HRK: variants seen among roughly 807,000 people sequenced by gnomAD.
HRK encodes the protein activator of apoptosis harakiri.
A neutral mutation model predicts 5.9 loss-of-function variants in HRK; 6 were observed. The ratio of observed to expected loss-of-function variants is 1.02; its 90% CI spans 0.56 to 2.01. The LOEUF (loss-of-function observed/expected upper bound fraction) is 2.01. Among genes scored for constraint, HRK ranks in the 30% most tolerant of loss-of-function variants. The pLI is 0.00. For missense variants in HRK, 133 were observed against 128.3 expected, an observed-to-expected ratio of 1.04 and a Z score of -0.18; for synonymous variants, 85 against 65.1, an observed-to-expected ratio of 1.31 and a Z score of -1.47.
At chr12:116,872,476 A>G (rs1878788583) in intron 1 of HRK, among the ~76,000 whole-genome samples, 1 of 152,170 alleles carries the variant, frequency 6.6e-6, no homozygotes, top group Non-Finnish European at 1.5e-5. Context: ...TAGTGATTCC[A>G]AGTCTTAAAG....
Position 116,870,949 on chromosome 12 carries a change from C to T in HRK, c.*57-9483G>A, listed in dbSNP as rs187070626. ...TTTGTTTGTATTTGAGACAGAGTCT[C>T]GCTCTGTCGCTCAAGCTGGAGTGCA... On this transcript the variant is annotated intron_variant, in intron 1 of 1. Transcript: ENST00000257572. Among the ~76,000 whole-genome samples the T allele has an allele frequency of 1.9e-3, 285 of 152,318 alleles. 1 individual carries two copies. Among genetic ancestry groups the T allele is most frequent in the African/African-American group, 6.5e-3 (270 of 41,578 alleles).
chr12:116,861,514 G>A (rs1164654042), intron 1 of HRK, 48 bp from the exon 2 acceptor site: 1 of 152,240 alleles, frequency 6.6e-6, no homozygotes, highest in Non-Finnish European at 1.5e-5. Flanking sequence ...CAGCTGCTGG[G>A]GGTGACGTCA....
At chr12:116,865,303 A>G (rs889968027) in intron 1 of HRK, among the ~76,000 whole-genome samples, 1 of 151,978 alleles carries the variant, frequency 6.6e-6, no homozygotes, top group African/African-American at 2.4e-5. Flanking sequence ...GCACTTTGGG[A>G]GGCCAAGGAG....
Position 116,881,149 on chromosome 12 carries a change from G to C in HRK, c.159C>G (p.Arg53=). ...ELHQRTMWRR[R]ARSRRAPAPG... ...GCGCCGGCGCCCTCCGGCTCCGCGCGCGGCGCCGCCACATGGTGCGCTGGT... is the reference window on the plus strand; with the variant it reads ...GCGCCGGCGCCCTCCGGCTCCGCGCCCGGCGCCGCCACATGGTGCGCTGGT... Residue 53 remains arginine (R), a synonymous_variant, in exon 1 of 2, where the codon CGC becomes CGG. Coordinates refer to ENST00000257572, the MANE Select transcript of HRK (RefSeq NM_003806.4). The C allele has an allele frequency of 6.7e-6, 8 of 1,185,570 alleles. No homozygotes were observed. Among genetic ancestry groups the C allele is most frequent in the Non-Finnish European group, 5.2e-6 (5 of 959,962 alleles). 73.4% of individuals were successfully genotyped at this position (1,185,570 alleles called of 1,614,324 possible). A position where few individuals can be genotyped will look rare whatever the true frequency, so the allele number is the denominator to read the frequency against.
chr12:116,874,996 G>A (rs186526626), intron 1 of HRK, among the ~76,000 whole-genome samples: 188 of 152,210 alleles, frequency 1.2e-3, no homozygotes, highest in Non-Finnish European at 2.2e-3. Flanking sequence ...CCATATAGGT[G>A]AGTTCCACAT....
chr12:116,864,284 T>C (rs1359539097), intron 1 of HRK, among the ~76,000 whole-genome samples: 1 of 152,154 alleles, frequency 6.6e-6, no homozygotes, highest in Non-Finnish European at 1.5e-5. Context: ...ACAGGAACAC[T>C]TATTAAGTAC....
At position 116,862,473 on chromosome 12, in the gene HRK, A is replaced by G. The variant is rs1878398892; in HGVS notation, c.*57-1007T>C. ...AAAGAAGCCAGACACAAAAGGACAC[A>G]TATTGTGTGATTCCATTTATATGAA... On this transcript the variant is annotated intron_variant, in intron 1 of 1. Coordinates refer to ENST00000257572, the MANE Select transcript of HRK (RefSeq NM_003806.4). This position sits in a 1 kb window ranked among gnomAD's most constrained non-coding sequence, Gnocchi z 4.0. Among the ~76,000 whole-genome samples, 1 of 152,228 alleles carries G rather than the reference A, an allele frequency of 6.6e-6. No individual in the cohort carries two copies. Among genetic ancestry groups the G allele is most frequent in the Non-Finnish European group, 1.5e-5 (1 of 68,038 alleles).
chr12:116,875,779 A>G (rs1236476151), intron 1 of HRK, among the ~76,000 whole-genome samples: 1 of 152,050 alleles, frequency 6.6e-6, no homozygotes, highest in Non-Finnish European at 1.5e-5. Flanking sequence ...CCTGACCTCA[A>G]GTGATCCACC....
intron 1 of HRK, among the ~76,000 whole-genome samples, chr12:116,877,405 T>C (rs1353396202): frequency 6.6e-6 from 1 of 152,112 alleles, no homozygotes; most frequent in Non-Finnish European, 1.5e-5. Flanking sequence ...CCAATAACCC[T>C]GGAAGGATAC....
Position 116,871,050 on chromosome 12 carries a change from C to T in HRK, c.*57-9584G>A, listed in dbSNP as rs565778409. ...TCTCTTGCCTCAGCCTCCCAGGTAG[C>T]TGGGATTACAGGCACGCGCCACCAC... On this transcript the variant is annotated intron_variant, in intron 1 of 1. Transcript: ENST00000257572. Among the ~76,000 whole-genome samples, 9 of 152,148 alleles carry T rather than the reference C, an allele frequency of 5.9e-5. 1 individual carries two copies. In the South Asian group the frequency reaches 1.7e-3, roughly 28 times the overall value.
rs188596125 is a variant in HRK, at chr12:116,871,840, C to T, written c.*56+9136G>A. On this transcript the variant is annotated intron_variant, in intron 1 of 1. Transcript: ENST00000257572. ...GTAAAGATTGGGTCTCACTTTGTTGCCCTGGCTAGTATTGAACTCCTGGCT... is the reference window on the plus strand; with the variant it reads ...GTAAAGATTGGGTCTCACTTTGTTGTCCTGGCTAGTATTGAACTCCTGGCT... Among the ~76,000 whole-genome samples the T allele has an allele frequency of 1.5e-3, 224 of 151,724 alleles. 1 individual carries two copies. The highest frequency in any genetic ancestry group is 5.3e-3 in the African/African-American group (218 of 41,406).
intron 1 of HRK, among the ~76,000 whole-genome samples, chr12:116,867,200 A>C (rs1480866223): frequency 6.6e-6 from 1 of 150,494 alleles, no homozygotes; most frequent in African/African-American, 2.5e-5. Context: ...GGAGTGCAAT[A>C]GCGTAATCTT....
At chr12:116,865,931 G>A (rs766342513) in intron 1 of HRK, among the ~76,000 whole-genome samples, 2 of 152,144 alleles carry the variant, frequency 1.3e-5, no homozygotes, top group Non-Finnish European at 2.9e-5. Flanking sequence ...GCCGAGGCAG[G>A]TGGATCACTT....
Position 116,857,055 on chromosome 12 carries a change from A to G in HRK, c.*4468T>C, listed in dbSNP as rs1180638545. The G allele has an allele frequency of 1.3e-5, 2 of 152,226 alleles. No homozygotes were observed. Among genetic ancestry groups the G allele is most frequent in the African/African-American group, 4.8e-5 (2 of 41,450 alleles). 9.4% of individuals were successfully genotyped at this position (152,226 alleles called of 1,614,324 possible). A position where few individuals can be genotyped will look rare whatever the true frequency, so the allele number is the denominator to read the frequency against. ...TGCAGGCTTTTTAACTGCCTTTACC[A>G]GATAGCAGGGCTCTCAGTAAATACT... On this transcript the variant is annotated 3_prime_UTR_variant, in exon 2 of 2. Transcript: ENST00000257572.
chr12:116,862,705 GTTTT>G lies in HRK; in HGVS notation c.*57-1243_*57-1240del, dbSNP rs1341966624. On this transcript the variant is annotated intron_variant, in intron 1 of 1. Coordinates refer to ENST00000257572, the MANE Select transcript of HRK (RefSeq NM_003806.4). The surrounding 1 kb of genome is among the most constrained non-coding windows in gnomAD (Gnocchi z 4.0). ...GACTTGTACACCTTAAAAAGGTAGG[GTTTT>G]TTGTTTGTTTGTTTGTTTGTTTGTT... 1.2e-4 allele frequency among the ~76,000 whole-genome samples: 16 copies of G among 137,068 alleles called. No individual in the cohort carries two copies. Among genetic ancestry groups the G allele is most frequent in the African/African-American group, 3.8e-4 (14 of 37,000 alleles). The allele number at this position is 137,068 out of a possible 152,430, so 89.9% of individuals were successfully genotyped here.
chr12:116,866,399 A>G (rs1033123752), intron 1 of HRK, among the ~76,000 whole-genome samples: 5 of 151,708 alleles, frequency 3.3e-5, no homozygotes. Context: ...TCAAAAAAAA[A>G]AAAAAAAAAA....
rs1878413557 is a variant in HRK, at chr12:116,862,811, A to G, written c.*57-1345T>C. ...CAGTGGTACGATCTCAGCTCACTGC[A>G]ACCTCTGCCTCCTGGGTTCAAGCAA... On this transcript the variant is annotated intron_variant, in intron 1 of 1. Coordinates refer to ENST00000257572, the MANE Select transcript of HRK (RefSeq NM_003806.4). This position sits in a 1 kb window ranked among gnomAD's most constrained non-coding sequence, Gnocchi z 4.0. 6.6e-6 allele frequency among the ~76,000 whole-genome samples: 1 copy of G among 152,184 alleles called. No individual in the cohort carries two copies. Among genetic ancestry groups the G allele is most frequent in the Non-Finnish European group, 1.5e-5 (1 of 68,032 alleles).
At chr12:116,871,406 G>A (rs1381659670) in intron 1 of HRK, among the ~76,000 whole-genome samples, 12 of 151,566 alleles carry the variant, frequency 7.9e-5, no homozygotes, top group Non-Finnish European at 1.2e-4. Flanking sequence ...AGATTCAAGC[G>A]ATTCTCTTGC....
At chr12:116,877,294 G>T (rs1242752584) in intron 1 of HRK, among the ~76,000 whole-genome samples, 2 of 150,850 alleles carry the variant, frequency 1.3e-5, no homozygotes, top group Non-Finnish European at 2.9e-5. Flanking sequence ...GGGCTCAAGT[G>T]ATCCGCCCAC....
Sources: allele counts gnomAD v4.1 joint callset (sites outside exome capture counted in the v4.1 genomes callset), GRCh38; gene constraint gnomAD v4.1.1; non-coding constraint Gnocchi (gnomAD v3.1); transcripts MANE v1.5; gene names NCBI Gene and HGNC (gene_info 2026-07-23, HGNC 2026-07-21).